Variants in NIN observed in about 807,000 individuals in gnomAD.
NIN encodes the protein glycogen synthase kinase 3 beta-interacting protein.
Under a neutral mutation model 257.6 loss-of-function variants are expected in NIN, and 137 were observed. The ratio of observed to expected loss-of-function variants is 0.53; its 90% confidence interval spans 0.46 to 0.61. The LOEUF (loss-of-function observed/expected upper bound fraction) is 0.61, where lower values mean the gene tolerates loss of function less well. Among genes scored for constraint, NIN ranks in the 20% least tolerant of loss-of-function variants. The pLI is 0.00. For synonymous variants in NIN, 918 were observed against 919.8 expected (o/e 1.00, Z 0.04); for missense variants, 2,439 against 2,501.2 (o/e 0.98, Z 0.53).
In NIN at chr14:50,757,930, T is replaced by C; in HGVS notation, c.3100A>G (p.Ser1034Gly). ...TCCTCTCCTATCACCTGGCAACCACTCTGAAGCATTGAGAGAGGAGATGTT... is the reference window on the plus strand; with the variant it reads ...TCCTCTCCTATCACCTGGCAACCACCCTGAAGCATTGAGAGAGGAGATGTT... ...QATSPLSMLQ[S>G]GCQVIGEEEV... Residue 1034 changes from serine to glycine, a missense_variant, in exon 18 of 31, where the codon AGT becomes GGT. Physicochemically the swap from Ser to Gly is moderately conservative, Grantham distance 56. Coordinates refer to ENST00000530997, the MANE Select transcript of NIN (RefSeq NM_020921.4). 1 of 1,614,152 alleles carries C rather than the reference T, an allele frequency of 6.2e-7. No individual in the cohort carries two copies. The highest frequency in any genetic ancestry group is 1.1e-5 in the South Asian group (1 of 91,084).
rs1393102763 is a variant in NIN, at chr14:50,725,974, T to C, written c.6171A>G (p.Lys2057=). The change falls in exon 30 of 31, where the codon AAA becomes AAG. Residue 2057 remains lysine, a synonymous_variant. Coordinates refer to ENST00000530997, the MANE Select transcript of NIN (RefSeq NM_020921.4). ...TCACTTGTTCTTTGAGCTGATTCAC[T>C]TTCTCTTGAAGAAGCCTTTTCACTA... The part of the protein sequence containing the change: ...LKLVKRLLQE[K]VNQLKEQLCK... 1 of 1,614,136 alleles carries C rather than the reference T, an allele frequency of 6.2e-7. No individual in the cohort carries two copies. The highest frequency in any genetic ancestry group is 1.3e-5 in the African/African-American group (1 of 75,068).
chr14:50,782,701 A>G (rs1325691246), intron 5 of NIN, among the ~76,000 whole-genome samples: 1 of 152,236 alleles, frequency 6.6e-6, no homozygotes, highest in East Asian at 1.9e-4. Flanking sequence ...TTATTTGCCC[A>G]CTAAATTCTC....
chr14:50,816,114 C>A (rs1360440585), intron 3 of NIN, among the ~76,000 whole-genome samples: 3 of 151,576 alleles, frequency 2.0e-5, no homozygotes, highest in African/African-American at 7.3e-5. Context: ...CCAAACACCG[C>A]ATGTTCTCAC....
chr14:50,776,860 G>T, intron 7 of NIN, 89 bp downstream of exon 7: 2 of 1,166,338 alleles, frequency 1.7e-6, no homozygotes, highest in Non-Finnish European at 2.4e-6. Context: ...CTAACAAGCT[G>T]CAGAGAGCCA....
At chr14:50,751,927 T>TCTTAAA (rs1259370579) in intron 21 of NIN, among the ~76,000 whole-genome samples, 1 of 152,228 alleles carries the variant, frequency 6.6e-6, no homozygotes, top group Admixed American at 6.5e-5. Context: ...AGTTCTTTAC[T>TCTTAAA]AGCAGGGATA....
intron 7 of NIN, among the ~76,000 whole-genome samples, chr14:50,776,579 C>T (rs1326192952): frequency 6.6e-6 from 1 of 152,232 alleles, no homozygotes; most frequent in African/African-American, 2.4e-5. Flanking sequence ...ACTCCCCCAA[C>T]TCAAATCTAC....
At chr14:50,786,009 G>A (rs547903154) in intron 5 of NIN, among the ~76,000 whole-genome samples, 3 of 152,308 alleles carry the variant, frequency 2.0e-5, no homozygotes, top group East Asian at 3.9e-4. Flanking sequence ...GCATGCGGGG[G>A]ATGACAGGAA....
In NIN at chr14:50,722,317, A is replaced by T. The variant is rs969022613; in HGVS notation, c.*1146T>A. On this transcript the variant is annotated 3_prime_UTR_variant, in exon 31 of 31. Coordinates refer to ENST00000530997, the MANE Select transcript of NIN (RefSeq NM_020921.4). ...TCTTAGAATCAGATTTGAGGTATAG[A>T]AGGAATAAGAAACACAGAAAATTTT... is the stretch of plus-strand genomic sequence containing the variant. 4 of 217,982 alleles carry T rather than the reference A, an allele frequency of 1.8e-5. No individual in the cohort carries two copies. The highest frequency in any genetic ancestry group is 3.7e-5 in the Non-Finnish European group (4 of 108,502). The allele number at this position is 217,982 out of a possible 1,614,324, so 13.5% of individuals were successfully genotyped here.
intron 5 of NIN, among the ~76,000 whole-genome samples, chr14:50,784,345 T>C (rs1292077832): frequency 1.3e-5 from 2 of 152,208 alleles, no homozygotes; most frequent in African/African-American, 2.4e-5. Flanking sequence ...TCGAGTTCAA[T>C]TTCCGCTCTA....
chr14:50,793,738 C>G (rs892990604), intron 4 of NIN, among the ~76,000 whole-genome samples: 3 of 152,322 alleles, frequency 2.0e-5, no homozygotes, highest in Admixed American at 2.0e-4. Context: ...CCACCACCAC[C>G]ACCACCTCCA....
chr14:50,796,314 A>T (rs1040956480), intron 4 of NIN, among the ~76,000 whole-genome samples: 2 of 152,200 alleles, frequency 1.3e-5, no homozygotes, highest in Non-Finnish European at 2.9e-5. Flanking sequence ...TTAATGATCT[A>T]GGTTTTATTC....
rs771502797 is a variant in NIN at position 50,806,753 on chromosome 14, T to C, written c.249A>G (p.Glu83=). The C allele has an allele frequency of 4.4e-6, 7 of 1,584,430 alleles. No individual in the cohort carries two copies. In the Middle Eastern group the frequency reaches 1.0e-3, roughly 226 times the overall value. The change falls in exon 4 of 31, where the codon GAA becomes GAG. Residue 83 remains glutamate (E), a synonymous_variant. Transcript: ENST00000530997. ...LILSRTLSNE[E]HFQEPDCSLE... ...TGACCTTACCTGGTTCTTGAAAGTG[T>C]TCTTCATTTGACAGAGTTCTGGACA...
rs1473888638 is a variant in NIN, at chr14:50,722,954, T to C, written c.*509A>G. On this transcript the variant is annotated 3_prime_UTR_variant, in exon 31 of 31. Transcript: ENST00000530997. ...CGGTTAATAACCACTTAATAAGCCC[T>C]GCCTCCTAACCAATTATACTCTACT... 9.4e-6 allele frequency: 2 copies of C among 213,152 alleles called. No homozygotes were observed. Among genetic ancestry groups the C allele is most frequent in the African/African-American group, 2.3e-5 (1 of 44,226 alleles). 13.2% of individuals were successfully genotyped at this position (213,152 alleles called of 1,614,324 possible).
chr14:50,765,518 A>G (rs1162123989), intron 14 of NIN, among the ~76,000 whole-genome samples: 3 of 152,180 alleles, frequency 2.0e-5, no homozygotes, highest in Non-Finnish European at 4.4e-5. Flanking sequence ...GAACTCAGTT[A>G]TATTTGTCTC....
intron 9 of NIN, 108 bp from the exon 10 acceptor site, chr14:50,771,576 C>G: frequency 8.7e-7 from 1 of 1,148,372 alleles, no homozygotes; most frequent in African/African-American, 1.5e-5. Flanking sequence ...AATGATCTAG[C>G]AATTAGACAA....
rs2040403647 is a variant in NIN at position 50,726,168 on chromosome 14, C to G, written c.6079-102G>C. On this transcript the variant is annotated intron_variant, in intron 29 of 30. Coordinates refer to ENST00000530997, the MANE Select transcript of NIN (RefSeq NM_020921.4). ...TAGAGAAAGGACAGCAAATGTTTTG[C>G]CTTTGTAACAGGAAGGATGGATTTC... The G allele has an allele frequency of 1.9e-5, 17 of 890,084 alleles. 1 individual carries two copies. The South Asian group carries it at 2.6e-4, about 14-fold the overall frequency. 55.1% of individuals were successfully genotyped at this position (890,084 alleles called of 1,614,324 possible).
chr14:50,810,639 G>A (rs993546822), intron 3 of NIN, among the ~76,000 whole-genome samples: 4 of 152,130 alleles, frequency 2.6e-5, no homozygotes, highest in Admixed American at 6.5e-5. Context: ...TTACAAAGGT[G>A]TTTTTAAAAC....
rs571968354 is a variant in NIN at position 50,797,156 on chromosome 14, C to A, written c.266-4275G>T. On this transcript the variant is annotated intron_variant, in intron 4 of 30. Coordinates refer to ENST00000530997, the MANE Select transcript of NIN (RefSeq NM_020921.4). The stretch of plus-strand genomic sequence containing the variant: ...TTCATTTAACACATAAGCGTATTTA[C>A]CAAACACCTGCCATAGGCAAAACAT... Among the ~76,000 whole-genome samples the A allele has an allele frequency of 1.2e-4, 18 of 152,316 alleles. No homozygotes were observed. In the South Asian group the frequency reaches 3.7e-3, roughly 32 times the overall value.
At chr14:50,778,872 T>G (rs2043021147) in intron 5 of NIN, 68 bp from the exon 6 acceptor site, 1 of 1,511,696 alleles carries the variant, frequency 6.6e-7, no homozygotes, top group African/African-American at 1.4e-5. Context: ...TAGCTTTTCC[T>G]AGAGCAGATC....
Sources: allele counts gnomAD v4.1 joint callset (sites outside exome capture counted in the v4.1 genomes callset), GRCh38; gene constraint gnomAD v4.1.1; transcripts MANE v1.5; gene names NCBI Gene and HGNC (gene_info 2026-07-23, HGNC 2026-07-21).